Variants in L1CAM observed in about 807,000 individuals in gnomAD.
L1CAM encodes the protein neural cell adhesion molecule L1.
In L1CAM, 8 loss-of-function variants were observed where a neutral mutation model predicts 93.0. The ratio of observed to expected loss-of-function variants is 0.09; its 90% CI spans 0.05 to 0.16. The LOEUF (loss-of-function observed/expected upper bound fraction) is 0.16. Ranked by LOEUF, L1CAM falls within the 10% of genes least tolerant of loss-of-function variation. The pLI, the probability that L1CAM is intolerant of heterozygous loss-of-function variation, is 1.00. For synonymous variants in L1CAM, 453 were observed against 453.0 expected (o/e 1.00, Z 0.00); for missense variants, 777 against 1,073.4 (o/e 0.72, Z 3.86).
Position 153,873,108 on chromosome X carries a change from C to T in L1CAM, c.91+120G>A, listed in dbSNP as rs929820472. The T allele has an allele frequency of 3.4e-5, 24 of 696,639 alleles. No individual in the cohort carries two copies. The African/African-American group carries it at 4.9e-4, about 14-fold the overall frequency. 57.4% of individuals were successfully genotyped at this position (696,639 alleles called of 1,213,427 possible). ...ACACAGGTGAGAGAAGCACATGGTG[C>T]TCAGGGAGAGCCGAGCAGGGCCCCG... On this transcript the variant is annotated intron_variant, in intron 3 of 28. Coordinates refer to ENST00000370060, the MANE Select transcript of L1CAM (RefSeq NM_001278116.2).
Position 153,866,889 on chromosome X carries a change from A to AT in L1CAM, c.2209-19_2209-18insA. ...CGGAGCGGCTGGAGGAGGCCAGCAG[A>AT]AGAGGAGTTGGTTGGCCAAGAACAC... On this transcript the variant is annotated intron_variant, in intron 18 of 28. Coordinates refer to ENST00000370060, the MANE Select transcript of L1CAM (RefSeq NM_001278116.2). 8.4e-7 allele frequency: 1 copy of AT among 1,195,972 alleles called. No individual in the cohort carries two copies. Among genetic ancestry groups the AT allele is most frequent in the Non-Finnish European group, 1.1e-6 (1 of 882,346 alleles).
chrX:153,873,270 A>C, intron 2 of L1CAM, 28 bp from the exon 3 acceptor site: 15 of 1,203,794 alleles, frequency 1.2e-5, no homozygotes, highest in Non-Finnish European at 1.7e-5. Flanking sequence ...GCAGCAAGGG[A>C]GGGAATGGAG....
chrX:153,881,983 G>A (rs1477495193), intron 1 of L1CAM, among the ~76,000 whole-genome samples: 1 of 112,085 alleles, frequency 8.9e-6, no homozygotes, highest in East Asian at 2.8e-4. Context: ...CAGTTCCTGG[G>A]GCTGTGGCCT....
chrX:153,871,482 G>A (rs2064769403), intron 5 of L1CAM, among the ~76,000 whole-genome samples: 1 of 109,961 alleles, frequency 9.1e-6, no homozygotes, highest in Non-Finnish European at 1.9e-5. Flanking sequence ...GGGGGAGGCT[G>A]AGGCTGAGGT....
chrX:153,872,858 C>A, intron 3 of L1CAM, 161 bp from the exon 4 acceptor site: 1 of 498,242 alleles, frequency 2.0e-6, no homozygotes, highest in Non-Finnish European at 3.6e-6. Flanking sequence ...GCTTGTGGGA[C>A]ATGAAAAGAG....
intron 19 of L1CAM, 61 bp from the exon 20 acceptor site, chrX:153,865,880 C>A: frequency 1.3e-6 from 1 of 765,149 alleles, no homozygotes; most frequent in Non-Finnish European, 2.0e-6. Context: ...TGAGGCCAGG[C>A]CCAAGCCCCT....
At chrX:153,876,996 C>T (rs2148503222) in intron 1 of L1CAM, among the ~76,000 whole-genome samples, 1 of 107,245 alleles carries the variant, frequency 9.3e-6, no homozygotes, top group African/African-American at 3.4e-5. Context: ...GAGACTCTGT[C>T]TAAAAAAATA....
At chrX:153,863,413 A>G (rs1281605629) in intron 27 of L1CAM, 34 bp from the exon 28 acceptor site, 3 of 1,208,282 alleles carry the variant, frequency 2.5e-6, no homozygotes, top group Non-Finnish European at 3.4e-6. Flanking sequence ...GAAGAGAGAG[A>G]GGGGGTGAGA....
At chrX:153,868,255 C>A in intron 14 of L1CAM, 47 bp downstream of exon 14, 1 of 1,209,636 alleles carries the variant, frequency 8.3e-7, no homozygotes. Flanking sequence ...GAGGTCTGGA[C>A]TTCCAGCTTT....
chrX:153,868,163 C>CT, intron 14 of L1CAM, 41 bp from the exon 15 acceptor site: 1 of 1,208,451 alleles, frequency 8.3e-7, no homozygotes. Flanking sequence ...CATCTGGGCT[C>CT]TTCTCCCCTC....
At chrX:153,867,304 C>G in intron 17 of L1CAM, 52 bp downstream of exon 17, 1 of 1,108,373 alleles carries the variant, frequency 9.0e-7, no homozygotes, top group Non-Finnish European at 1.2e-6. Context: ...CCTCCCTTCA[C>G]AGCCCGGAGC....
intron 1 of L1CAM, among the ~76,000 whole-genome samples, chrX:153,879,444 C>T (rs1313749321): frequency 1.9e-5 from 2 of 102,923 alleles, no homozygotes; most frequent in African/African-American, 3.7e-5. Flanking sequence ...TGCACGTGCG[C>T]GTGCGCGCAG....
rs1447830893 is a variant in L1CAM, at chrX:153,865,734, G to A, written c.2517C>T (p.Ala839=). ...VLVKWRPVDL[A]QVKGHLRGYN... ...ATCCGCGGAGGTGGCCCTTGACCTG[G>A]GCCAGGTCCACCGGCCGCCACTTGA... Residue 839 remains alanine (A), a synonymous_variant, in exon 20 of 29, where the codon GCC becomes GCT. Coordinates refer to ENST00000370060, the MANE Select transcript of L1CAM (RefSeq NM_001278116.2). 8.3e-7 allele frequency: 1 copy of A among 1,208,242 alleles called. No individual in the cohort carries two copies. Among genetic ancestry groups the A allele is most frequent in the African/African-American group, 1.7e-5 (1 of 57,202 alleles).
At chrX:153,874,510 T>C (rs1282217288) in intron 2 of L1CAM, among the ~76,000 whole-genome samples, 1 of 112,473 alleles carries the variant, frequency 8.9e-6, no homozygotes, top group Non-Finnish European at 1.9e-5. Context: ...ACCAAGGGAG[T>C]CTGCCTGGCC....
In L1CAM at chrX:153,868,345, G is replaced by A. The variant is rs1557091788; in HGVS notation, c.1660C>T (p.Arg554Cys). Residue 554 changes from arginine to cysteine, a missense_variant, in exon 14 of 29, where the codon CGT becomes TGT. By Grantham distance (180) the Arg-to-Cys change is radical. Coordinates refer to ENST00000370060, the MANE Select transcript of L1CAM (RefSeq NM_001278116.2). Reference protein sequence around the residue: ...DPSLQPSITWRGDGRDLQELG... With the variant: ...DPSLQPSITWCGDGRDLQELG... ...TCCTGGAGGTCTCGACCGTCCCCAC[G>A]CCAGGTGATGCTGGGCTGCAAGGAG... is the stretch of plus-strand genomic sequence containing the variant. The A allele has an allele frequency of 9.9e-6, 12 of 1,209,303 alleles. No homozygotes were observed. Among genetic ancestry groups the A allele is most frequent in the South Asian group, 1.8e-5 (1 of 56,768 alleles).
Position 153,864,836 on chromosome X carries a change from T to G in L1CAM, c.3031A>C (p.Thr1011Pro). ...PGEAIVREGG[T>P]MALSGISDFG... The stretch of plus-strand genomic sequence containing the variant: ...TCCAGCTTACCAGACAAGGCCATAG[T>G]GCCTCCTTCCCGTACGATGGCTTCA... The change falls in exon 23 of 29, where the codon ACT becomes CCT. Residue 1011 changes from threonine (T) to proline (P), a missense_variant. Coordinates refer to ENST00000370060, the MANE Select transcript of L1CAM (RefSeq NM_001278116.2). The G allele has an allele frequency of 8.2e-7, 1 of 1,212,324 alleles. No individual in the cohort carries two copies. The highest frequency in any genetic ancestry group is 1.1e-6 in the Non-Finnish European group (1 of 895,591).
chrX:153,878,671 G>A lies in L1CAM; in HGVS notation c.-108-2727C>T, dbSNP rs144485041. Among the ~76,000 whole-genome samples, 314 of 111,810 alleles carry A rather than the reference G, an allele frequency of 2.8e-3. 15 individuals carry two copies. In the East Asian group the frequency reaches 0.069, roughly 25 times the overall value. ...CTTAGGAGGGGGAGGGGAGGAAACC[G>A]GAGCAAGGAAAAGCTCAAAGAAGGA... On this transcript the variant is annotated intron_variant, in intron 1 of 28. Transcript: ENST00000370060.
rs781909228 is a variant in L1CAM, at chrX:153,869,626, G to A, written c.1161C>T (p.Gly387=). 5.8e-6 allele frequency: 7 copies of A among 1,207,749 alleles called. No homozygotes were observed. Among genetic ancestry groups the A allele is most frequent in the African/African-American group, 1.7e-5 (1 of 57,610 alleles). ...GCTGCACGTTGCTCAGGATCAGGGC[G>A]CCACGCTGAATCCGGTACTTCTGGT... is the stretch of plus-strand genomic sequence containing the variant. ...AKDQKYRIQR[G]ALILSNVQPS... Residue 387 remains glycine, a synonymous_variant, in exon 11 of 29, where the codon GGC becomes GGT. Coordinates refer to ENST00000370060, the MANE Select transcript of L1CAM (RefSeq NM_001278116.2).
intron 1 of L1CAM, among the ~76,000 whole-genome samples, chrX:153,877,673 C>G (rs111336807): frequency 8.9e-6 from 1 of 111,840 alleles, no homozygotes. Context: ...CCCTTGAGAA[C>G]TGGTGTGGGA....
Sources: gnomAD v4.1 joint callset for allele counts (sites outside exome capture counted in the v4.1 genomes callset) on GRCh38, gnomAD v4.1.1 for gene constraint, MANE v1.5 for transcripts, NCBI Gene and HGNC (gene_info 2026-07-23, HGNC 2026-07-21) for gene names.